The following RAB10 variants were observed in gnomAD, a reference collection of about 807,000 sequenced individuals.
RAB10 encodes RAB10, member RAS oncogene family, also known as ras-related protein Rab-10.
In RAB10, 5 loss-of-function variants were observed where a neutral mutation model predicts 25.7. The ratio of observed to expected loss-of-function variants is 0.19; its 90% CI spans 0.10 to 0.41. The LOEUF (loss-of-function observed/expected upper bound fraction) is 0.41, where lower values mean the gene tolerates loss of function less well. Among genes scored for constraint, RAB10 ranks in the 10% least tolerant of loss-of-function variants. The pLI, the probability that RAB10 is intolerant of heterozygous loss-of-function variation, is 1.00. For synonymous variants in RAB10, 89 were observed against 86.4 expected, an observed-to-expected ratio of 1.03 and a Z score of -0.16; for missense variants, 103 against 245.8, an observed-to-expected ratio of 0.42 and a Z score of 3.89.
intron 1 of RAB10, among the ~76,000 whole-genome samples, chr2:26,070,437 A>AT (rs532770902): frequency 2.1e-3 from 314 of 152,268 alleles, no homozygotes; most frequent in African/African-American, 7.2e-3. Context: ...AACCTCAAGG[A>AT]TTTTTTTATT....
chr2:26,057,271 A>G (rs1055187487), intron 1 of RAB10, among the ~76,000 whole-genome samples: 7 of 152,092 alleles, frequency 4.6e-5, no homozygotes, highest in African/African-American at 1.4e-4. Flanking sequence ...AAGACCTCCA[A>G]AAGCTAAGGA....
At chr2:26,081,364 T>G (rs867926146) in intron 1 of RAB10, among the ~76,000 whole-genome samples, 25 of 152,176 alleles carry the variant, frequency 1.6e-4, no homozygotes, top group African/African-American at 5.6e-4. Flanking sequence ...TCTGTGACAT[T>G]CCTGACTCCT....
At chr2:26,117,707 G>T (rs1210261712) in intron 3 of RAB10, among the ~76,000 whole-genome samples, 1 of 151,762 alleles carries the variant, frequency 6.6e-6, no homozygotes, top group South Asian at 2.1e-4. Flanking sequence ...AACTAACATA[G>T]CCTGGGAGGT....
At chr2:26,093,618 T>C (rs1225986384) in intron 1 of RAB10, among the ~76,000 whole-genome samples, 1 of 152,132 alleles carries the variant, frequency 6.6e-6, no homozygotes, top group African/African-American at 2.4e-5. Flanking sequence ...GAAAGATAAA[T>C]GAAGTTTACC....
chr2:26,080,317 G>A (rs764078498), intron 1 of RAB10, among the ~76,000 whole-genome samples: 13 of 152,168 alleles, frequency 8.5e-5, no homozygotes, highest in Non-Finnish European at 1.5e-4. Flanking sequence ...GAGAAACACC[G>A]AATCACTGTT....
At chr2:26,053,723 T>C (rs1666183654) in intron 1 of RAB10, among the ~76,000 whole-genome samples, 2 of 152,130 alleles carry the variant, frequency 1.3e-5, no homozygotes, top group Admixed American at 1.3e-4. Flanking sequence ...ATATTTCTTT[T>C]TTTTTTATTT....
chr2:26,100,584 A>G (rs1667321076), intron 2 of RAB10, among the ~76,000 whole-genome samples: 1 of 152,232 alleles, frequency 6.6e-6, no homozygotes, highest in Admixed American at 6.5e-5. Context: ...TTATTGTGAC[A>G]GTTATTTTTG....
chr2:26,131,706 T>C (rs781156964), intron 5 of RAB10, among the ~76,000 whole-genome samples: 3 of 152,166 alleles, frequency 2.0e-5, no homozygotes, highest in Non-Finnish European at 2.9e-5. Context: ...AATTTATCAG[T>C]TATTACTCTG....
At chr2:26,097,484 G>A (rs183498932) in intron 1 of RAB10, among the ~76,000 whole-genome samples, 38 of 152,278 alleles carry the variant, frequency 2.5e-4, no homozygotes, top group African/African-American at 8.7e-4. Flanking sequence ...CACCACATTA[G>A]CCAGACTGGT....
In RAB10 at chr2:26,078,311, CAT is replaced by C. The variant is rs1666782860; in HGVS notation, c.128-20348_128-20347del. ...TCAAAATTTTGATTACAGAAATTGA[CAT>C]ATGGCTCCTAAAATTCATATGGAAA... On this transcript the variant is annotated intron_variant, in intron 1 of 5. Transcript: ENST00000264710. 3.9e-5 allele frequency among the ~76,000 whole-genome samples: 6 copies of C among 152,242 alleles called. No homozygotes were observed. The South Asian group carries it at 1.2e-3, about 32-fold the overall frequency.
intron 1 of RAB10, among the ~76,000 whole-genome samples, chr2:26,075,980 A>T (rs138343707): frequency 3.9e-5 from 6 of 152,170 alleles, no homozygotes; most frequent in African/African-American, 1.4e-4. Context: ...AGGTGTATCA[A>T]TAAGGGCAGG....
chr2:26,133,767 G>A (rs927805686), intron 5 of RAB10, among the ~76,000 whole-genome samples: 1 of 151,814 alleles, frequency 6.6e-6, no homozygotes, highest in East Asian at 1.9e-4. Flanking sequence ...TCTGCCTCCC[G>A]AGTTCAAGCG....
chr2:26,040,025 C>T (rs1285300843), intron 1 of RAB10, among the ~76,000 whole-genome samples: 1 of 152,144 alleles, frequency 6.6e-6, no homozygotes, highest in Non-Finnish European at 1.5e-5. Flanking sequence ...TGGCTTGTAG[C>T]TACCATACTG....
intron 1 of RAB10, among the ~76,000 whole-genome samples, chr2:26,065,393 A>G (rs941442331): frequency 1.3e-5 from 2 of 152,038 alleles, no homozygotes; most frequent in Non-Finnish European, 2.9e-5. Flanking sequence ...GTTGTATTTT[A>G]TGGTTGATAA....
chr2:26,074,570 C>T (rs1221227916), intron 1 of RAB10, among the ~76,000 whole-genome samples: 3 of 152,152 alleles, frequency 2.0e-5, no homozygotes, highest in Non-Finnish European at 4.4e-5. Flanking sequence ...AGGCATCTGC[C>T]ACCACGCCCA....
At chr2:26,123,805 A>G (rs1390977778) in intron 3 of RAB10, among the ~76,000 whole-genome samples, 1 of 152,204 alleles carries the variant, frequency 6.6e-6, no homozygotes, top group African/African-American at 2.4e-5. Context: ...ATGATGAAAG[A>G]AGGATTGGTT....
At chr2:26,042,522 T>G (rs1250188323) in intron 1 of RAB10, among the ~76,000 whole-genome samples, 2 of 152,054 alleles carry the variant, frequency 1.3e-5, no homozygotes, top group Admixed American at 1.3e-4. Context: ...GGTGTACACC[T>G]GTAGTCCCAG....
chr2:26,100,289 C>T (rs1163953652), intron 2 of RAB10, among the ~76,000 whole-genome samples: 1 of 152,182 alleles, frequency 6.6e-6, no homozygotes, highest in Non-Finnish European at 1.5e-5. Context: ...CACCATAATA[C>T]AGGTTTCTAA....
At chr2:26,059,469 T>C (rs373520191) in intron 1 of RAB10, among the ~76,000 whole-genome samples, 29 of 152,358 alleles carry the variant, frequency 1.9e-4, no homozygotes, top group East Asian at 7.7e-4. Context: ...TTAGGGATTT[T>C]GTTTTTTTAA....
Sources: allele counts gnomAD v4.1 joint callset (sites outside exome capture counted in the v4.1 genomes callset), GRCh38; gene constraint gnomAD v4.1.1; transcripts MANE v1.5; gene names NCBI Gene and HGNC (gene_info 2026-07-23, HGNC 2026-07-21).